ARSB: variants seen among roughly 807,000 people sequenced by gnomAD.
ARSB encodes arylsulfatase B.
Under a neutral mutation model 50.9 loss-of-function variants are expected in ARSB, and 41 were observed. The observed-to-expected ratio is 0.81, with a 90% confidence interval of 0.63 to 1.04. The LOEUF is 1.04. Ranked by LOEUF, ARSB falls within the 50% of genes least tolerant of loss-of-function variation. ARSB has a pLI of 0.00. For synonymous variants in ARSB, 269 were observed against 284.8 expected (o/e 0.94, Z 0.56); for missense variants, 672 against 693.3 (o/e 0.97, Z 0.35).
At chr5:78,943,811 C>T (rs1751062837) in intron 4 of ARSB, among the ~76,000 whole-genome samples, 1 of 152,156 alleles carries the variant, frequency 6.6e-6, no homozygotes, top group South Asian at 2.1e-4. Context: ...TTTCCTGAAT[C>T]TGAATGTTGG....
intron 4 of ARSB, among the ~76,000 whole-genome samples, chr5:78,952,359 C>T (rs1751525292): frequency 6.6e-6 from 1 of 151,758 alleles, no homozygotes; most frequent in Admixed American, 6.6e-5. Flanking sequence ...TCTTTTGAAA[C>T]AAGGTCTCGC....
At chr5:78,829,517 T>C (rs957585058) in intron 6 of ARSB, among the ~76,000 whole-genome samples, 19 of 152,206 alleles carry the variant, frequency 1.2e-4, no homozygotes, top group African/African-American at 4.6e-4. Context: ...CCTGGGCATA[T>C]GTTTTCCTCT....
At chr5:78,838,973 G>T (rs1043261387) in intron 6 of ARSB, among the ~76,000 whole-genome samples, 1 of 152,212 alleles carries the variant, frequency 6.6e-6, no homozygotes, top group African/African-American at 2.4e-5. Flanking sequence ...TGGCTTATCT[G>T]ACTGTGAGTT....
At chr5:78,817,929 T>C (rs1257561334) in intron 6 of ARSB, among the ~76,000 whole-genome samples, 1 of 152,174 alleles carries the variant, frequency 6.6e-6, no homozygotes, top group Non-Finnish European at 1.5e-5. Flanking sequence ...GTGGATCACT[T>C]GAGGTCAGGA....
chr5:78,781,677 A>G (rs575180963), intron 7 of ARSB, among the ~76,000 whole-genome samples, 175 bp downstream of exon 7: 24 of 152,220 alleles, frequency 1.6e-4, no homozygotes, highest in African/African-American at 2.4e-5. Context: ...AGGAGGAGCC[A>G]CAGAGGAAGA....
intron 6 of ARSB, among the ~76,000 whole-genome samples, chr5:78,784,855 G>C (rs1580965661): frequency 2.0e-5 from 3 of 147,680 alleles, no homozygotes; most frequent in East Asian, 4.0e-4. Context: ...CTGGAGTGCA[G>C]TGGTGCGATC....
At chr5:78,797,120 C>T (rs991359221) in intron 6 of ARSB, among the ~76,000 whole-genome samples, 5 of 152,218 alleles carry the variant, frequency 3.3e-5, no homozygotes, top group South Asian at 2.1e-4. Flanking sequence ...CCTCGTGATC[C>T]GCCCGCCTCG....
At chr5:78,979,537 G>A (rs561655222) in intron 1 of ARSB, among the ~76,000 whole-genome samples, 79 of 152,342 alleles carry the variant, frequency 5.2e-4, no homozygotes, top group Admixed American at 9.1e-4. Flanking sequence ...GTGGAGCCAC[G>A]GAGGTGGCGC....
At chr5:78,983,778 C>T (rs1278870325) in intron 1 of ARSB, among the ~76,000 whole-genome samples, 1 of 152,174 alleles carries the variant, frequency 6.6e-6, no homozygotes, top group Non-Finnish European at 1.5e-5. Flanking sequence ...GTAAGCCCTC[C>T]CTTCTCTTGA....
intron 4 of ARSB, among the ~76,000 whole-genome samples, chr5:78,942,611 C>G (rs148041645): frequency 1.9e-3 from 296 of 152,290 alleles, no homozygotes; most frequent in Non-Finnish European, 3.3e-3. Context: ...GTTTCTTAAT[C>G]CTGAGTTCTA....
At chr5:78,959,085 G>A (rs1382314710) in intron 3 of ARSB, among the ~76,000 whole-genome samples, 1 of 152,170 alleles carries the variant, frequency 6.6e-6, no homozygotes, top group East Asian at 1.9e-4. Flanking sequence ...GAGGGACCCA[G>A]TGGGAGTTAA....
intron 4 of ARSB, among the ~76,000 whole-genome samples, chr5:78,922,418 C>T (rs1009692735): frequency 3.9e-5 from 6 of 151,928 alleles, no homozygotes; most frequent in Non-Finnish European, 8.8e-5. Context: ...GCCCTACCTC[C>T]TGGAGGACAT....
intron 4 of ARSB, among the ~76,000 whole-genome samples, chr5:78,923,535 A>G (rs1337619747): frequency 6.6e-6 from 1 of 152,234 alleles, no homozygotes; most frequent in African/African-American, 2.4e-5. Flanking sequence ...TTTCTAAATG[A>G]CAGCCTGGAG....
chr5:78,980,433 T>G (rs1273309585), intron 1 of ARSB, among the ~76,000 whole-genome samples: 1 of 152,194 alleles, frequency 6.6e-6, no homozygotes, highest in Admixed American at 6.5e-5. Context: ...CTTTGATATA[T>G]CAAAAGGCTG....
chr5:78,955,549 T>A, intron 3 of ARSB, 47 bp from the exon 4 acceptor site: 1 of 1,471,342 alleles, frequency 6.8e-7, no homozygotes, highest in Non-Finnish European at 9.5e-7. Context: ...ATTGAAGCAT[T>A]AAATATAGAA....
intron 4 of ARSB, among the ~76,000 whole-genome samples, chr5:78,934,373 T>G (rs1750488377): frequency 6.6e-6 from 1 of 152,186 alleles, no homozygotes; most frequent in Admixed American, 6.5e-5. Flanking sequence ...TGTTACAATT[T>G]TAATCAAAGT....
At chr5:78,929,144 GT>G (rs1318714708) in intron 4 of ARSB, among the ~76,000 whole-genome samples, 1 of 152,146 alleles carries the variant, frequency 6.6e-6, no homozygotes, top group Non-Finnish European at 1.5e-5. Flanking sequence ...CTGGGGAACC[GT>G]GGCTCCTGCA....
chr5:78,947,524 T>C (rs753593010), intron 4 of ARSB, among the ~76,000 whole-genome samples: 35 of 152,158 alleles, frequency 2.3e-4, no homozygotes, highest in Non-Finnish European at 4.4e-4. Context: ...AACAGGTATA[T>C]GAAAAGGTGC....
intron 5 of ARSB, among the ~76,000 whole-genome samples, chr5:78,845,598 G>A (rs1745411499): frequency 6.6e-6 from 1 of 151,904 alleles, no homozygotes; most frequent in Non-Finnish European, 1.5e-5. Context: ...ATATCTCATC[G>A]TGGTTTTAAA....
Sources: allele counts gnomAD v4.1 joint callset (sites outside exome capture counted in the v4.1 genomes callset), GRCh38; gene constraint gnomAD v4.1.1; transcripts MANE v1.5; gene names NCBI Gene and HGNC (gene_info 2026-07-23, HGNC 2026-07-21).